SLC44A5: variants seen among roughly 807,000 people sequenced by gnomAD.
The protein encoded by SLC44A5 is solute carrier family 44 member 5.
SLC44A5 carries 57 observed loss-of-function variants against 101.8 expected under a neutral mutation model. The observed-to-expected ratio is 0.56, with a 90% CI of 0.45 to 0.70. The LOEUF (loss-of-function observed/expected upper bound fraction) is 0.70, where lower values mean the gene tolerates loss of function less well. Ranked by LOEUF, SLC44A5 falls within the 30% of genes least tolerant of loss-of-function variation. The pLI, the probability that SLC44A5 is intolerant of heterozygous loss-of-function variation, is 0.00. For synonymous variants in SLC44A5, 281 were observed against 290.9 expected (o/e 0.97, Z 0.35); for missense variants, 737 against 853.1 (o/e 0.86, Z 1.70).
the SLC44A5 span, among the ~76,000 whole-genome samples, chr1:75,623,649 T>A: frequency 1.4e-4 from 22 of 152,206 alleles, no homozygotes; most frequent in African/African-American, 5.3e-4. Context: ...CTGAATGAGA[T>A]GAACTGAAGG....
At chr1:75,670,050 A>T in the SLC44A5 span, among the ~76,000 whole-genome samples, 3 of 152,334 alleles carry the variant, frequency 2.0e-5, no homozygotes, top group East Asian at 5.8e-4. Context: ...AAGGAGCTCA[A>T]GAGTTGAGCA....
At chr1:75,531,058 A>T (rs1371242482) in intron 2 of SLC44A5, among the ~76,000 whole-genome samples, 3 of 152,188 alleles carry the variant, frequency 2.0e-5, no homozygotes, top group African/African-American at 7.2e-5. Flanking sequence ...CAGCTTTATC[A>T]AGATGCGCTC....
intron 5 of SLC44A5, among the ~76,000 whole-genome samples, chr1:75,282,753 C>T (rs1652709661): frequency 6.6e-6 from 1 of 152,148 alleles, no homozygotes; most frequent in African/African-American, 2.4e-5. Flanking sequence ...CTCTGCACTT[C>T]TTCTTCCTGC....
the SLC44A5 span, among the ~76,000 whole-genome samples, chr1:75,631,241 T>C: frequency 1.3e-5 from 2 of 152,212 alleles, no homozygotes; most frequent in South Asian, 2.1e-4. Flanking sequence ...ATGAATGGTC[T>C]GGTTCCTCTC....
At chr1:75,561,694 A>G (rs1445793766) in intron 1 of SLC44A5, among the ~76,000 whole-genome samples, 2 of 152,134 alleles carry the variant, frequency 1.3e-5, no homozygotes. Flanking sequence ...CATCCTGATA[A>G]CCCTATCTCT....
chr1:75,508,561 T>C (rs1669392941), intron 2 of SLC44A5, among the ~76,000 whole-genome samples: 1 of 151,710 alleles, frequency 6.6e-6, no homozygotes, highest in African/African-American at 2.4e-5. Flanking sequence ...AAATCAAAAG[T>C]TGGTTCTTTA....
intron 3 of SLC44A5, among the ~76,000 whole-genome samples, chr1:75,395,541 G>A (rs1243750948): frequency 6.6e-6 from 1 of 152,154 alleles, no homozygotes; most frequent in Non-Finnish European, 1.5e-5. Flanking sequence ...CTATCTAAGT[G>A]TGAGAACAAA....
intron 2 of SLC44A5, among the ~76,000 whole-genome samples, chr1:75,541,176 C>T (rs915289730): frequency 6.6e-6 from 1 of 152,090 alleles, no homozygotes; most frequent in Non-Finnish European, 1.5e-5. Flanking sequence ...CCACATACCC[C>T]CAGCTTGCCA....
intron 13 of SLC44A5, among the ~76,000 whole-genome samples, chr1:75,225,446 A>G (rs1368338959): frequency 6.6e-6 from 1 of 152,144 alleles, no homozygotes; most frequent in Non-Finnish European, 1.5e-5. Context: ...TTTTGTTTGA[A>G]TAAGAGTAAA....
chr1:75,483,058 C>T (rs1350710919), intron 2 of SLC44A5, among the ~76,000 whole-genome samples: 39 of 152,242 alleles, frequency 2.6e-4, no homozygotes, highest in Non-Finnish European at 7.3e-5. Flanking sequence ...TACTGAGCTG[C>T]TTCTATTTGC....
intron 1 of SLC44A5, among the ~76,000 whole-genome samples, chr1:75,580,949 G>C (rs975948978): frequency 6.6e-6 from 1 of 152,050 alleles, no homozygotes; most frequent in Non-Finnish European, 1.5e-5. Context: ...CTACAAGATG[G>C]AATTAGTGCC....
At chr1:75,395,590 G>A (rs1293485285) in intron 3 of SLC44A5, among the ~76,000 whole-genome samples, 1 of 152,114 alleles carries the variant, frequency 6.6e-6, no homozygotes, top group African/African-American at 2.4e-5. Flanking sequence ...GTACATGAGA[G>A]TCAATAAATG....
In SLC44A5 at chr1:75,527,954, C is replaced by G. The variant is rs191468112; in HGVS notation, c.13+13481G>C. 1.1e-4 allele frequency among the ~76,000 whole-genome samples: 16 copies of G among 152,328 alleles called. No homozygotes were observed. In the East Asian group the frequency reaches 2.5e-3, roughly 24 times the overall value. On this transcript the variant is annotated intron_variant, in intron 2 of 23. Coordinates refer to ENST00000370859, the MANE Select transcript of SLC44A5 (RefSeq NM_001130058.2). ...TTCACTCTGTAATTGCTCAGCTTCT[C>G]TTTTAAACTTGACATGCATTATGTG...
chr1:75,586,967 T>G (rs930353898), intron 1 of SLC44A5, among the ~76,000 whole-genome samples: 2 of 152,124 alleles, frequency 1.3e-5, no homozygotes, highest in Non-Finnish European at 2.9e-5. Flanking sequence ...TAGAGTTATC[T>G]CTCAGCTCTT....
chr1:75,599,005 T>C (rs1427222595), intron 1 of SLC44A5, among the ~76,000 whole-genome samples: 1 of 152,166 alleles, frequency 6.6e-6, no homozygotes, highest in East Asian at 1.9e-4. Flanking sequence ...GAAAACTCAG[T>C]TAATTATGCC....
intron 1 of SLC44A5, among the ~76,000 whole-genome samples, chr1:75,550,182 A>G (rs1671863258): frequency 6.6e-6 from 1 of 152,168 alleles, no homozygotes; most frequent in African/African-American, 2.4e-5. Flanking sequence ...CAACTGATGA[A>G]CAGATAAACA....
chr1:75,683,354 C>A, the SLC44A5 span, among the ~76,000 whole-genome samples: 2 of 152,088 alleles, frequency 1.3e-5, no homozygotes, highest in African/African-American at 4.8e-5. Context: ...TTGGAACTAA[C>A]CCAAATGTCC....
intron 2 of SLC44A5, among the ~76,000 whole-genome samples, chr1:75,444,367 AGGG>A (rs1665389281): frequency 7.4e-6 from 1 of 134,488 alleles, no homozygotes; most frequent in African/African-American, 2.7e-5. Context: ...GGAGGGAGGG[AGGG>A]AGGAAAGAAG....
intron 3 of SLC44A5, chr1:75,357,310 T>C (rs954032223): frequency 5.0e-5 from 22 of 436,828 alleles, no homozygotes; most frequent in Non-Finnish European, 7.3e-5. Context: ...ATACTATTCA[T>C]TGATAGAGAG....
Sources: allele counts gnomAD v4.1 joint callset (sites outside exome capture counted in the v4.1 genomes callset), GRCh38; gene constraint gnomAD v4.1.1; transcripts MANE v1.5; gene names NCBI Gene and HGNC (gene_info 2026-07-23, HGNC 2026-07-21).